The following ATAD2 variants were observed in gnomAD, a reference collection of about 807,000 sequenced individuals.
ATAD2 encodes the protein ATPase family AAA domain-containing protein 2.
A neutral mutation model predicts 168.9 loss-of-function variants in ATAD2; 62 were observed. That is an observed-to-expected ratio of 0.37 (90% CI 0.30 to 0.45). The LOEUF is 0.45. Ranked by LOEUF, ATAD2 falls within the 20% of genes least tolerant of loss-of-function variation. The probability of loss-of-function intolerance (pLI) is 1.00; values close to 1 mark genes in which losing one functional copy is unlikely to be tolerated. For missense variants in ATAD2, 1,419 were observed against 1,667.8 expected (o/e 0.85, Z 2.60); for synonymous variants, 613 against 571.6 (o/e 1.07, Z -1.03).
At chr8:123,385,310 A>G (rs1217129556) in intron 1 of ATAD2, among the ~76,000 whole-genome samples, 1 of 152,182 alleles carries the variant, frequency 6.6e-6, no homozygotes, top group Non-Finnish European at 1.5e-5. Flanking sequence ...AAATTAAAAG[A>G]GAGAAAAAAA....
At chr8:123,396,045 T>C (rs955108532) in intron 1 of ATAD2, 142 bp downstream of exon 1, 3 of 1,009,404 alleles carry the variant, frequency 3.0e-6, no homozygotes, top group Non-Finnish European at 4.1e-6. Flanking sequence ...AGAGCTTCCA[T>C]TTTACTCGTC....
intron 8 of ATAD2, among the ~76,000 whole-genome samples, chr8:123,365,704 T>C (rs777916148): frequency 6.6e-6 from 1 of 152,140 alleles, no homozygotes; most frequent in African/African-American, 2.4e-5. Flanking sequence ...GCTGGGATAA[T>C]TGGGTAGCCA....
chr8:123,331,370 C>T (rs1260566157), intron 24 of ATAD2, among the ~76,000 whole-genome samples: 1 of 152,096 alleles, frequency 6.6e-6, no homozygotes, highest in East Asian at 1.9e-4. Context: ...TCCCCAGTGG[C>T]TGGGATTACA....
At chr8:123,359,513 T>C in intron 10 of ATAD2, 64 bp downstream of exon 10, 2 of 1,455,708 alleles carry the variant, frequency 1.4e-6, no homozygotes, top group South Asian at 2.5e-5. Context: ...TTCCTTTTTT[T>C]AACTTTAAAA....
At chr8:123,339,154 G>A (rs546699041) in intron 20 of ATAD2, among the ~76,000 whole-genome samples, 157 bp downstream of exon 20, 6 of 152,232 alleles carry the variant, frequency 3.9e-5, no homozygotes, top group African/African-American at 1.2e-4. Context: ...ACTTTAGTCT[G>A]TTTTAATGGG....
At chr8:123,407,875 G>A (rs993966878) in intron 1 of ATAD2, among the ~76,000 whole-genome samples, 2 of 151,940 alleles carry the variant, frequency 1.3e-5, no homozygotes, top group Admixed American at 1.3e-4. Context: ...AAGAAACGGA[G>A]GTTCTTGTTG....
Position 123,338,730 on chromosome 8 carries a change from T to A in ATAD2, c.2854+581A>T, listed in dbSNP as rs146977753. Among the ~76,000 whole-genome samples the A allele has an allele frequency of 9.9e-5, 15 of 152,144 alleles. No individual in the cohort carries two copies. The East Asian group carries it at 2.1e-3, about 22-fold the overall frequency. ...GCTTCATAATAAAGAATAAATGAGG[T>A]ATACTAAAAGGACAAGTATTTAGCC... On this transcript the variant is annotated intron_variant, in intron 20 of 27. Transcript: ENST00000287394.
chr8:123,336,488 T>C lies in ATAD2; in HGVS notation c.3096A>G (p.Ser1032=), dbSNP rs1477252567. 6.4e-7 allele frequency: 1 copy of C among 1,554,912 alleles called. No individual in the cohort carries two copies. The change falls in exon 22 of 28, where the codon TCA becomes TCG. Residue 1032 remains serine (S), a synonymous_variant. Coordinates refer to ENST00000287394, the MANE Select transcript of ATAD2 (RefSeq NM_014109.4). The part of the protein sequence containing the change: ...VTVIKQPMDL[S]SVISKIDLHK... ...GTAGATCAATTTTACTGATTACAGATGAAAGGTCCATTGGTTGCTTTATTA... is the reference window on the plus strand; with the variant it reads ...GTAGATCAATTTTACTGATTACAGACGAAAGGTCCATTGGTTGCTTTATTA...
chr8:123,408,680 C>T (rs1563873253), intron 1 of ATAD2, among the ~76,000 whole-genome samples: 1 of 152,196 alleles, frequency 6.6e-6, no homozygotes, highest in Non-Finnish European at 1.5e-5. Flanking sequence ...CCATGCCCGG[C>T]TACTTTTTGT....
Position 123,371,646 on chromosome 8 carries a change from TTGATC to T in ATAD2, c.536+19_536+23del. 6.3e-7 allele frequency: 1 copy of T among 1,579,262 alleles called. No homozygotes were observed. The highest frequency in any genetic ancestry group is 8.6e-7 in the Non-Finnish European group (1 of 1,165,120). ...AAAAGTCTCTGACAGATAAATCATC[TTGATC>T]TAAGGAATTTTTACTTACTTAGTTA... On this transcript the variant is annotated intron_variant, in intron 4 of 27. Transcript: ENST00000287394.
chr8:123,349,358 T>C lies in ATAD2; in HGVS notation c.1733A>G (p.Asp578Gly), dbSNP rs1216982427. 1 of 1,613,982 alleles carries C rather than the reference T, an allele frequency of 6.2e-7. No homozygotes were observed. The highest frequency in any genetic ancestry group is 8.5e-7 in the Non-Finnish European group (1 of 1,180,014). ...CCTTCGTAAAGCAGGATCTATAGAA[T>C]CTAGCCTGTTCGTAGCACCAATGAC... ...IVVIGATNRL[D>G]SIDPALRRPG... is the part of the protein sequence containing the mutation. Residue 578 changes from aspartate to glycine, a missense_variant, in exon 14 of 28, where the codon GAT becomes GGT. Around this residue, in one of 5 missense-constraint regions of ATAD2, gnomAD observed 545 missense variants for 724.9 expected, o/e 0.75. Transcript: ENST00000287394.
chr8:123,375,408 C>CAT (rs1348931312), intron 2 of ATAD2, among the ~76,000 whole-genome samples: 3 of 152,178 alleles, frequency 2.0e-5, no homozygotes, highest in African/African-American at 7.2e-5. Context: ...TAGAGACCCT[C>CAT]ATACATTGGT....
At chr8:123,403,593 C>T (rs1249260069) in intron 1 of ATAD2, among the ~76,000 whole-genome samples, 8 of 152,150 alleles carry the variant, frequency 5.3e-5, no homozygotes, top group South Asian at 4.2e-4. Context: ...TGCACCACCA[C>T]GCCAGGATGG....
At chr8:123,328,143 A>T in intron 25 of ATAD2, 47 bp downstream of exon 25, 2 of 1,322,218 alleles carry the variant, frequency 1.5e-6, no homozygotes, top group Non-Finnish European at 1.9e-6. Flanking sequence ...AGAAACTTTG[A>T]AATATCTTTT....
intron 1 of ATAD2, among the ~76,000 whole-genome samples, chr8:123,409,199 T>C (rs865774663): frequency 6.6e-6 from 1 of 152,110 alleles, no homozygotes; most frequent in South Asian, 2.1e-4. Context: ...GTTTAATTTC[T>C]CAGTTTTCCC....
intron 24 of ATAD2, among the ~76,000 whole-genome samples, chr8:123,330,841 A>G (rs1239364426): frequency 6.6e-6 from 1 of 152,248 alleles, no homozygotes; most frequent in Non-Finnish European, 1.5e-5. Context: ...CATTTTCAAT[A>G]TCAGACAAAA....
At chr8:123,331,126 A>T (rs1028619408) in intron 24 of ATAD2, among the ~76,000 whole-genome samples, 1 of 152,038 alleles carries the variant, frequency 6.6e-6, no homozygotes, top group Non-Finnish European at 1.5e-5. Context: ...TTTTTAGTAG[A>T]GACGGGGTTT....
intron 27 of ATAD2, among the ~76,000 whole-genome samples, chr8:123,322,402 C>T (rs1827491737): frequency 6.6e-6 from 1 of 152,192 alleles, no homozygotes; most frequent in Non-Finnish European, 1.5e-5. Flanking sequence ...GGTGCAGTGG[C>T]TCACGTTTGT....
intron 19 of ATAD2, 121 bp downstream of exon 19, chr8:123,344,763 G>A (rs376947720): frequency 1.2e-5 from 13 of 1,095,044 alleles, no homozygotes; most frequent in African/African-American, 1.1e-4. Flanking sequence ...TGGTATATTT[G>A]ATAAGAAAAC....
Sources: gnomAD v4.1 joint callset for allele counts (sites outside exome capture counted in the v4.1 genomes callset) on GRCh38, gnomAD v4.1.1 for gene constraint, gnomAD v4.1.1 regional missense constraint, MANE v1.5 for transcripts, NCBI Gene and HGNC (gene_info 2026-07-23, HGNC 2026-07-21) for gene names.